ZMYM2: variants seen among roughly 807,000 people sequenced by gnomAD.
The protein encoded by ZMYM2 is zinc finger MYM-type containing 2.
Under a neutral mutation model 162.8 loss-of-function variants are expected in ZMYM2, and 56 were observed. The ratio of observed to expected loss-of-function variants is 0.34; its 90% CI spans 0.28 to 0.43. ZMYM2 has a LOEUF of 0.43. Ranked by LOEUF, ZMYM2 falls within the 20% of genes least tolerant of loss-of-function variation. ZMYM2 has a pLI of 1.00. For synonymous variants in ZMYM2, 510 were observed against 541.6 expected (o/e 0.94, Z 0.81); for missense variants, 1,275 against 1,621.8 (o/e 0.79, Z 3.67).
chr13:19,902,348 G>A, the ZMYM2 span, among the ~76,000 whole-genome samples: 2 of 152,218 alleles, frequency 1.3e-5, no homozygotes, highest in Non-Finnish European at 2.9e-5. Flanking sequence ...TGGGCGCGGT[G>A]GCTCACGCCT....
chr13:19,973,848 TTTTTTGGA>T (rs892052839), intron 2 of ZMYM2, among the ~76,000 whole-genome samples: 6 of 152,126 alleles, frequency 3.9e-5, no homozygotes, highest in Non-Finnish European at 7.4e-5. Context: ...GTGAGATTTT[TTTTTTGGA>T]TTTTAGTTGT....
chr13:19,868,100 C>A, the ZMYM2 span, among the ~76,000 whole-genome samples: 1 of 152,216 alleles, frequency 6.6e-6, no homozygotes, highest in African/African-American at 2.4e-5. Context: ...AAACCCCCAA[C>A]CTTCTCTTTG....
chr13:19,923,868 G>A, the ZMYM2 span, among the ~76,000 whole-genome samples: 25 of 151,684 alleles, frequency 1.6e-4, no homozygotes, highest in Admixed American at 7.9e-4. Context: ...ACAGGGTTTC[G>A]CCATGTTGGC....
intron 3 of ZMYM2, among the ~76,000 whole-genome samples, chr13:19,996,298 G>T (rs1950013142): frequency 6.6e-6 from 1 of 152,102 alleles, no homozygotes; most frequent in South Asian, 2.1e-4. Flanking sequence ...ACAAGAGCTG[G>T]TGCCAAGCAT....
At chr13:19,932,528 A>T in the ZMYM2 span, among the ~76,000 whole-genome samples, 3 of 152,132 alleles carry the variant, frequency 2.0e-5, no homozygotes, top group African/African-American at 7.2e-5. Flanking sequence ...GCGCGCCTGT[A>T]ATCCCAGCTA....
Position 19,993,087 on chromosome 13 carries a change from A to T in ZMYM2, c.15A>T (p.Ser5=), listed in dbSNP as rs1949752866. Residue 5 remains serine (S), a synonymous_variant, in exon 3 of 25, where the codon TCA becomes TCT. Coordinates refer to ENST00000610343, the MANE Select transcript of ZMYM2 (RefSeq NM_197968.4). ...GGTTCTTTGGCATGGACACAAGTTCAGTGGGAGGATTAGAATTGACTGATC... is the reference window on the plus strand; with the variant it reads ...GGTTCTTTGGCATGGACACAAGTTCTGTGGGAGGATTAGAATTGACTGATC... MDTS[S]VGGLELTDQT... is the part of the protein sequence containing the mutation. The T allele has an allele frequency of 6.2e-7, 1 of 1,603,306 alleles. No individual in the cohort carries two copies. Among genetic ancestry groups the T allele is most frequent in the African/African-American group, 1.3e-5 (1 of 74,326 alleles).
rs759547535 is a variant in ZMYM2 at position 20,086,052 on chromosome 13, TTAGA to T, written c.*42_*45del. 47 of 1,586,264 alleles carry T rather than the reference TTAGA, an allele frequency of 3.0e-5. No individual in the cohort carries two copies. Among genetic ancestry groups the T allele is most frequent in the Non-Finnish European group, 3.4e-5 (40 of 1,161,732 alleles). ...CAGAAGCAATCGGGATAAAACAGCA[TTAGA>T]TAGTCATGCTGCTAGATCTTTATTA... is the stretch of plus-strand genomic sequence containing the variant. On this transcript the variant is annotated 3_prime_UTR_variant, in exon 25 of 25. Coordinates refer to ENST00000610343, the MANE Select transcript of ZMYM2 (RefSeq NM_197968.4).
chr13:20,059,619 A>C, intron 16 of ZMYM2, 57 bp downstream of exon 16: 2 of 821,210 alleles, frequency 2.4e-6, no homozygotes, highest in South Asian at 2.7e-5. Context: ...CAGTTGGGAA[A>C]ACAGTGTACA....
the ZMYM2 span, among the ~76,000 whole-genome samples, chr13:19,886,839 T>G: frequency 6.6e-6 from 1 of 151,480 alleles, no homozygotes; most frequent in African/African-American, 2.4e-5. Context: ...TTTTTAATTT[T>G]TAATAGAGAC....
chr13:20,077,799 AT>A (rs1957612164), intron 21 of ZMYM2, among the ~76,000 whole-genome samples: 1 of 150,842 alleles, frequency 6.6e-6, no homozygotes. Flanking sequence ...AAATGTTTAG[AT>A]TTCATCTTTA....
intron 2 of ZMYM2, among the ~76,000 whole-genome samples, chr13:19,960,680 G>A (rs1047711388): frequency 6.6e-6 from 1 of 152,112 alleles, no homozygotes; most frequent in Admixed American, 6.5e-5. Context: ...GATCATTTTT[G>A]AATGTGTTAC....
At chr13:20,001,757 A>G (rs1950408598) in intron 3 of ZMYM2, among the ~76,000 whole-genome samples, 1 of 152,246 alleles carries the variant, frequency 6.6e-6, no homozygotes, top group Non-Finnish European at 1.5e-5. Context: ...CACCATCGTG[A>G]TCAGTCAGCA....
At position 20,083,121 on chromosome 13, in the gene ZMYM2, G is replaced by A. The variant is rs987131276; in HGVS notation, c.3820+89G>A. On this transcript the variant is annotated intron_variant, in intron 23 of 24. Transcript: ENST00000610343. Reference sequence around the variant, plus strand: ...CTTGTTGCCCAGGCTGGAGTGCAGTGGTGCAGTCTCGGCTCACCGCAACCT... The same window carrying A: ...CTTGTTGCCCAGGCTGGAGTGCAGTAGTGCAGTCTCGGCTCACCGCAACCT... The A allele has an allele frequency of 5.2e-6, 7 of 1,355,866 alleles. 1 individual carries two copies. In the Admixed American group the frequency reaches 1.8e-4, roughly 35 times the overall value. 84.0% of individuals were successfully genotyped at this position (1,355,866 alleles called of 1,614,324 possible).
At chr13:20,054,475 C>T (rs1955627116) in intron 14 of ZMYM2, among the ~76,000 whole-genome samples, 1 of 152,154 alleles carries the variant, frequency 6.6e-6, no homozygotes, top group Non-Finnish European at 1.5e-5. Flanking sequence ...AAAAGTCCTA[C>T]CTTTTGTGGT....
At chr13:19,930,267 G>A in the ZMYM2 span, among the ~76,000 whole-genome samples, 1 of 151,962 alleles carries the variant, frequency 6.6e-6, no homozygotes, top group African/African-American at 2.4e-5. Context: ...CGGGCATGGT[G>A]GTGAACACCT....
At chr13:20,074,002 T>G (rs1226122632) in intron 21 of ZMYM2, among the ~76,000 whole-genome samples, 1 of 152,184 alleles carries the variant, frequency 6.6e-6, no homozygotes, top group African/African-American at 2.4e-5. Flanking sequence ...CTGTACTCAT[T>G]AAATAATAAC....
At chr13:20,006,882 A>C (rs955010204) in intron 6 of ZMYM2, among the ~76,000 whole-genome samples, 1 of 152,166 alleles carries the variant, frequency 6.6e-6, no homozygotes, top group Non-Finnish European at 1.5e-5. Context: ...CTTAGAATGC[A>C]CCTTTGACCT....
At chr13:20,080,330 A>G (rs1173129806) in intron 21 of ZMYM2, among the ~76,000 whole-genome samples, 2 of 152,110 alleles carry the variant, frequency 1.3e-5, no homozygotes, top group Admixed American at 6.5e-5. Context: ...CATTGGATCA[A>G]CTCAGATGAT....
chr13:20,003,857 C>T (rs1950558829), intron 4 of ZMYM2, among the ~76,000 whole-genome samples: 1 of 152,168 alleles, frequency 6.6e-6, no homozygotes, highest in Non-Finnish European at 1.5e-5. Flanking sequence ...GCATATTGTC[C>T]AGACTGGTCT....
Sources: gnomAD v4.1 joint callset for allele counts (sites outside exome capture counted in the v4.1 genomes callset) on GRCh38, gnomAD v4.1.1 for gene constraint, MANE v1.5 for transcripts, NCBI Gene and HGNC (gene_info 2026-07-23, HGNC 2026-07-21) for gene names.